The following RP1 variants were observed in gnomAD, a reference collection of about 807,000 sequenced individuals.
The protein encoded by RP1 is oxygen-regulated protein 1.
In RP1, 16 loss-of-function variants were observed where a neutral mutation model predicts 14.8. The ratio of observed to expected loss-of-function variants is 1.08; its 90% CI spans 0.73 to 1.65. The LOEUF (loss-of-function observed/expected upper bound fraction) is 1.65, where lower values mean the gene tolerates loss of function less well. RP1 is among the 40% of genes most tolerant of loss of function. RP1 has a pLI of 0.00. For missense variants in RP1, 2,631 were observed against 2,535.0 expected (o/e 1.04, Z -0.81); for synonymous variants, 876 against 883.6 (o/e 0.99, Z 0.15).
intron 19 of RP1, chr8:54,754,701 G>A: frequency 1.7e-6 from 2 of 1,174,192 alleles, no homozygotes; most frequent in Non-Finnish European, 2.2e-6. Context: ...CATCATCAGA[G>A]TATGCAGTAC....
At chr8:54,856,600 C>T (rs1054521120) in intron 26 of RP1, among the ~76,000 whole-genome samples, 4 of 152,162 alleles carry the variant, frequency 2.6e-5, no homozygotes, top group Non-Finnish European at 5.9e-5. Context: ...AGTAGCTTAA[C>T]TCTAGGTGCC....
In RP1 at chr8:54,787,673, C is replaced by T. The variant is rs1019151841; in HGVS notation, c.3615+3963C>T. Among the ~76,000 whole-genome samples the T allele has an allele frequency of 5.9e-5, 9 of 152,186 alleles. 1 individual carries two copies. The highest frequency in any genetic ancestry group is 1.7e-4 in the African/African-American group (7 of 41,452). ...CCGTTCACTCCTAGAAAGTTGCTTT[C>T]TGCTTCTGCTTTACTATTGTATGAA... On this transcript the variant is annotated intron_variant, in intron 24 of 28. Coordinates refer to the RP1 transcript ENST00000637698.
intron 15 of RP1, among the ~76,000 whole-genome samples, chr8:54,710,381 C>T (rs1219032223): frequency 2.0e-5 from 3 of 152,208 alleles, no homozygotes; most frequent in Non-Finnish European, 4.4e-5. Context: ...GGGGTGCCTG[C>T]AACCCCAAGG....
chr8:54,770,198 A>G (rs918357627), downstream of RP1: 3 of 401,192 alleles, frequency 7.5e-6, no homozygotes, highest in Non-Finnish European at 1.3e-5. Flanking sequence ...TCATCTTTTA[A>G]TCATCTGAAA....
intron 28 of RP1, among the ~76,000 whole-genome samples, chr8:54,868,956 T>C (rs1812518883): frequency 1.3e-5 from 2 of 152,178 alleles, no homozygotes. Context: ...TCTGTTGTAT[T>C]GCTGTAGAGA....
chr8:54,663,933 A>T (rs1806954254), intron 7 of RP1: 1 of 1,288,466 alleles, frequency 7.8e-7, no homozygotes, highest in African/African-American at 1.5e-5. Context: ...AACTATTCTA[A>T]GAGTTTTTAA....
chr8:54,569,024 C>T (rs1804467177), intron 1 of RP1, among the ~76,000 whole-genome samples: 1 of 152,196 alleles, frequency 6.6e-6, no homozygotes, highest in African/African-American at 2.4e-5. Flanking sequence ...AGCTTTGCTC[C>T]ATGCCTGGCA....
chr8:54,603,451 T>C (rs1230479012), intron 1 of RP1, among the ~76,000 whole-genome samples: 2 of 152,218 alleles, frequency 1.3e-5, no homozygotes, highest in Admixed American at 6.5e-5. Context: ...CCTTGTAGTA[T>C]AGTTTGAAGT....
At chr8:54,783,651 A>G in exon 24 of RP1, 1 of 1,231,586 alleles carries the variant, frequency 8.1e-7, no homozygotes, top group Non-Finnish European at 1.0e-6. Context: ...TTCAGGTCCT[A>G]TTATTTTGGG....
At chr8:54,723,489 T>A (rs1484112443) in intron 16 of RP1, among the ~76,000 whole-genome samples, 1 of 152,224 alleles carries the variant, frequency 6.6e-6, no homozygotes, top group Non-Finnish European at 1.5e-5. Flanking sequence ...ACCATTTAAC[T>A]GTTCTTGCTA....
chr8:54,583,028 A>G (rs1439069518), intron 1 of RP1, among the ~76,000 whole-genome samples: 1 of 152,200 alleles, frequency 6.6e-6, no homozygotes, highest in African/African-American at 2.4e-5. Flanking sequence ...CAGAACTTCC[A>G]ACACTATGTT....
intron 12 of RP1, among the ~76,000 whole-genome samples, chr8:54,692,279 A>T (rs2129339813): frequency 6.7e-6 from 1 of 149,460 alleles, no homozygotes; most frequent in South Asian, 2.2e-4. Context: ...ATAAACATAC[A>T]TGTGCATGTG....
chr8:54,847,504 A>G (rs1039176613), intron 25 of RP1, among the ~76,000 whole-genome samples: 3 of 152,356 alleles, frequency 2.0e-5, no homozygotes, highest in African/African-American at 7.2e-5. Context: ...CCAGTTCTGA[A>G]TGGTAGAAAG....
At position 54,629,706 on chromosome 8, in the gene RP1, GA is replaced by G; in HGVS notation, c.5825del (p.Asp1942ValfsTer12). ...DRGFAYRKES[D>X]IENFLGFYLW... is the part of the protein sequence containing the mutation. ...AGGATTTGCATATCGCAAAGAATCTGATATTGAAAATTTCTTGGGTTTTTAT... is the reference window on the plus strand; with the variant it reads ...AGGATTTGCATATCGCAAAGAATCTGTATTGAAAATTTCTTGGGTTTTTAT... On this transcript the variant is annotated frameshift_variant, in exon 4 of 4. Transcript: ENST00000220676. LOFTEE classifies it low-confidence loss of function (END_TRUNC). 1.2e-6 allele frequency: 2 copies of G among 1,612,446 alleles called. No individual in the cohort carries two copies. The highest frequency in any genetic ancestry group is 1.7e-6 in the Non-Finnish European group (2 of 1,179,330).
At chr8:54,759,407 T>C (rs1285639967) in intron 22 of RP1, among the ~76,000 whole-genome samples, 1 of 152,194 alleles carries the variant, frequency 6.6e-6, no homozygotes, top group Non-Finnish European at 1.5e-5. Context: ...ACTAAAATTG[T>C]AGTGTTACAA....
chr8:54,866,767 T>C (rs774848799), intron 28 of RP1, among the ~76,000 whole-genome samples: 7 of 152,080 alleles, frequency 4.6e-5, no homozygotes, highest in African/African-American at 1.2e-4. Context: ...CATGGGAACA[T>C]GGGAAATGTT....
rs1187795001 is a variant in RP1 at position 54,670,493 on chromosome 8, ATGTATATATATACACATATATATGTATG to A, written c.1324-3342_1324-3315del. On this transcript the variant is annotated intron_variant, in intron 7 of 22. Coordinates refer to the RP1 transcript ENST00000636932. The stretch of plus-strand genomic sequence containing the variant: ...CATATATAGGTTTACATATGTAAGT[ATGTATATATATACACATATATATGTATG>A]TGTATATATATACATATATATGTAT... Among the ~76,000 whole-genome samples the A allele has an allele frequency of 2.2e-4, 27 of 122,494 alleles. 3 individuals carry two copies. The highest frequency in any genetic ancestry group is 3.8e-4 in the Admixed American group (4 of 10,546). 80.4% of individuals were successfully genotyped at this position (122,494 alleles called of 152,430 possible).
exon 24 of RP1, chr8:54,783,631 A>T (rs1810244017): frequency 1.6e-6 from 2 of 1,231,380 alleles, no homozygotes; most frequent in South Asian, 4.1e-5. Flanking sequence ...GTCTATGGAG[A>T]AACAAAATGT....
At chr8:54,588,478 G>T (rs1295462603) in intron 1 of RP1, among the ~76,000 whole-genome samples, 3 of 152,192 alleles carry the variant, frequency 2.0e-5, no homozygotes, top group Admixed American at 2.0e-4. Context: ...TGCAATATTA[G>T]GATCTCACCA....
Sources: gnomAD v4.1 joint callset for allele counts (sites outside exome capture counted in the v4.1 genomes callset) on GRCh38, gnomAD v4.1.1 for gene constraint, MANE v1.5 for transcripts, NCBI Gene and HGNC (gene_info 2026-07-23, HGNC 2026-07-21) for gene names.